NALCN: variants seen among roughly 807,000 people sequenced by gnomAD.
NALCN encodes the protein sodium leak channel NALCN.
In NALCN, 111 loss-of-function variants were observed where a neutral mutation model predicts 225.3. The ratio of observed to expected loss-of-function variants is 0.49; its 90% CI spans 0.42 to 0.58. NALCN has a LOEUF of 0.58. NALCN is among the 20% of genes least tolerant of loss of function. NALCN has a pLI of 0.00. For synonymous variants in NALCN, 764 were observed against 769.0 expected, an observed-to-expected ratio of 0.99 and a Z score of 0.11; for missense variants, 1,378 against 2,202.4, an observed-to-expected ratio of 0.63 and a Z score of 7.49.
intron 9 of NALCN, among the ~76,000 whole-genome samples, chr13:101,291,534 C>T (rs1263655566): frequency 6.6e-6 from 1 of 151,980 alleles, no homozygotes; most frequent in African/African-American, 2.4e-5. Context: ...GCCTTTGAAC[C>T]TGTTTTATTT....
At chr13:101,348,662 T>C (rs1265812173) in intron 6 of NALCN, among the ~76,000 whole-genome samples, 1 of 152,166 alleles carries the variant, frequency 6.6e-6, no homozygotes, top group Admixed American at 6.6e-5. Flanking sequence ...CTATTATATT[T>C]GCTTTTTCTT....
chr13:101,142,945 T>C (rs776673948), intron 17 of NALCN, 135 bp downstream of exon 17: 4 of 1,256,358 alleles, frequency 3.2e-6, no homozygotes, highest in Non-Finnish European at 4.6e-6. Flanking sequence ...TCATGATATC[T>C]TTTACAAATG....
At chr13:101,057,912 G>C (rs369565179) in intron 43 of NALCN, 27 bp downstream of exon 43, 137 of 1,553,590 alleles carry the variant, frequency 8.8e-5, no homozygotes, top group Non-Finnish European at 1.2e-4. Flanking sequence ...TGCCTCGATC[G>C]CTGGAGAAAT....
intron 13 of NALCN, among the ~76,000 whole-genome samples, chr13:101,201,476 C>T (rs111582677): frequency 3.0e-4 from 46 of 152,206 alleles, no homozygotes; most frequent in African/African-American, 3.9e-4. Flanking sequence ...TAGTATGCAT[C>T]GGAACTTCAT....
intron 26 of NALCN, among the ~76,000 whole-genome samples, chr13:101,101,281 C>CTT (rs60948311): frequency 0.49 from 55,358 of 112,274 alleles, 15,311 homozygotes; most frequent in Non-Finnish European, 0.58. Flanking sequence ...ATTTTTTTTT[C>CTT]TTTTTTTTTT....
intron 37 of NALCN, among the ~76,000 whole-genome samples, chr13:101,071,609 T>C (rs1423489036): frequency 6.6e-6 from 1 of 152,236 alleles, no homozygotes; most frequent in African/African-American, 2.4e-5. Context: ...CATTTGGCTT[T>C]AGCTTAAGGG....
chr13:101,394,729 T>C (rs1167142242), intron 3 of NALCN, among the ~76,000 whole-genome samples: 1 of 152,166 alleles, frequency 6.6e-6, no homozygotes, highest in African/African-American at 2.4e-5. Context: ...CTTTTTTTTT[T>C]ATCCTTTTGT....
chr13:101,367,071 T>G (rs929206820), intron 6 of NALCN, among the ~76,000 whole-genome samples: 2 of 152,174 alleles, frequency 1.3e-5, no homozygotes, highest in Non-Finnish European at 2.9e-5. Flanking sequence ...CTTAGCATAA[T>G]GTCCTCTAGA....
chr13:101,118,448 TTTAG>T (rs1188454727), intron 18 of NALCN, among the ~76,000 whole-genome samples: 1 of 152,182 alleles, frequency 6.6e-6, no homozygotes, highest in African/African-American at 2.4e-5. Context: ...TTATTTTTGT[TTTAG>T]TTATATTTTG....
Position 101,345,417 on chromosome 13 carries a change from A to T in NALCN, c.648T>A (p.Asn216Lys). ...HCVVNDTKPG[N>K]VTWNSLAIPD... ...GAATAGCTAAACTATTCCAGGTTAC[A>T]TTCCTGTGAACAACACATGAAAGTG... The change falls in exon 7 of 44, where the codon AAT becomes AAA. Residue 216 changes from asparagine (N) to lysine (K), a missense_variant. By Grantham distance (94) the Asn-to-Lys change is moderately conservative. Coordinates refer to ENST00000251127, the MANE Select transcript of NALCN (RefSeq NM_052867.4). 1.9e-6 allele frequency: 3 copies of T among 1,612,500 alleles called. No homozygotes were observed. Among genetic ancestry groups the T allele is most frequent in the Non-Finnish European group, 1.7e-6 (2 of 1,179,254 alleles).
At chr13:101,313,837 T>C (rs7335542) in intron 7 of NALCN, among the ~76,000 whole-genome samples, 71,520 of 151,752 alleles carry the variant, frequency 0.47, 17,152 homozygotes, top group East Asian at 0.67. Flanking sequence ...TTATAAATCA[T>C]GCTGCTATAA....
chr13:101,144,864 T>C lies in NALCN; in HGVS notation c.1872A>G (p.Lys624=). 1 of 1,612,396 alleles carries C rather than the reference T, an allele frequency of 6.2e-7. No individual in the cohort carries two copies. The change falls in exon 16 of 44, where the codon AAA becomes AAG. Residue 624 remains lysine (K), a synonymous_variant. Transcript: ENST00000251127. ...TTCGCAGGCGTAAAGGGAGCTTTTC[T>C]TTGGTGTCCGCATTTGCTTCACTTT... ...LKQSEANADT[K]EKLPLRLRIF...
intron 7 of NALCN, among the ~76,000 whole-genome samples, chr13:101,343,322 A>T (rs2045615635): frequency 6.6e-6 from 1 of 152,232 alleles, no homozygotes; most frequent in Admixed American, 6.5e-5. Context: ...GTGATGATGA[A>T]TTTGGGAAAA....
In NALCN at chr13:101,265,440, C is replaced by T. The variant is rs138609068; in HGVS notation, c.1135-6866G>A. Among the ~76,000 whole-genome samples, 1,026 of 152,172 alleles carry T rather than the reference C, an allele frequency of 6.7e-3. 14 individuals are homozygous for T. Among genetic ancestry groups the T allele is most frequent in the African/African-American group, 0.023 (975 of 41,530 alleles). On this transcript the variant is annotated intron_variant, in intron 10 of 43. Transcript: ENST00000251127. ...CAATGGGACTGAGTCCAACCTCAAG[C>T]AGAACAACAAGAAAGGTCACTTTTT...
chr13:101,095,567 T>C lies in NALCN; in HGVS notation c.3269+7A>G, dbSNP rs1209076551. On this transcript the variant is annotated splice_region_variant and intron_variant, in intron 28 of 43. Coordinates refer to ENST00000251127, the MANE Select transcript of NALCN (RefSeq NM_052867.4). Reference sequence around the variant, plus strand: ...TTCTTCAGAATATTTTTTTATGATATACTTACCAAACACGGGGCACCCAAA... The same window carrying C: ...TTCTTCAGAATATTTTTTTATGATACACTTACCAAACACGGGGCACCCAAA... 2 of 1,606,166 alleles carry C rather than the reference T, an allele frequency of 1.2e-6. No homozygotes were observed. The highest frequency in any genetic ancestry group is 8.5e-7 in the Non-Finnish European group (1 of 1,174,484).
chr13:101,229,337 A>G (rs2041260119), intron 13 of NALCN, 56 bp downstream of exon 13: 1 of 1,399,272 alleles, frequency 7.1e-7, no homozygotes. Flanking sequence ...GATGTTAATC[A>G]TTATTACTAA....
intron 11 of NALCN, among the ~76,000 whole-genome samples, chr13:101,248,668 C>T (rs557278441): frequency 6.6e-6 from 1 of 152,184 alleles, no homozygotes; most frequent in Non-Finnish European, 1.5e-5. Context: ...CATCCATGTG[C>T]TGAGAGGGTG....
intron 7 of NALCN, among the ~76,000 whole-genome samples, chr13:101,312,459 T>A (rs1436139052): frequency 2.0e-5 from 3 of 151,822 alleles, no homozygotes; most frequent in African/African-American, 7.2e-5. Flanking sequence ...TGTTAGGGTG[T>A]CAATTTTGGA....
chr13:101,143,608 G>T (rs1285478729), intron 16 of NALCN, among the ~76,000 whole-genome samples: 2 of 152,232 alleles, frequency 1.3e-5, no homozygotes, highest in African/African-American at 4.8e-5. Context: ...GGGATTACAG[G>T]CATGCGCCAC....
Sources: gnomAD v4.1 joint callset for allele counts (sites outside exome capture counted in the v4.1 genomes callset) on GRCh38, gnomAD v4.1.1 for gene constraint, MANE v1.5 for transcripts, NCBI Gene and HGNC (gene_info 2026-07-23, HGNC 2026-07-21) for gene names.